NOX4: variants seen among roughly 807,000 people sequenced by gnomAD.
NOX4 encodes the protein kidney oxidase-1.
NOX4 carries 69 observed loss-of-function variants against 87.6 expected under a neutral mutation model. That is an observed-to-expected ratio of 0.79 (90% CI 0.65 to 0.96). The LOEUF is 0.96. NOX4 is among the 40% of genes least tolerant of loss of function. The pLI is 0.00. For synonymous variants in NOX4, 275 were observed against 238.2 expected, an observed-to-expected ratio of 1.15 and a Z score of -1.42; for missense variants, 680 against 681.5, an observed-to-expected ratio of 1.00 and a Z score of 0.02.
At chr11:89,425,539 T>C (rs1943344972) in intron 7 of NOX4, among the ~76,000 whole-genome samples, 1 of 151,946 alleles carries the variant, frequency 6.6e-6, no homozygotes, top group Non-Finnish European at 1.5e-5. Context: ...AGAATATTTA[T>C]TAACGTAAAA....
intron 8 of NOX4, among the ~76,000 whole-genome samples, chr11:89,409,019 T>C (rs1942331970): frequency 6.6e-6 from 1 of 151,956 alleles, no homozygotes; most frequent in Admixed American, 6.6e-5. Context: ...TAAGTTTCCT[T>C]AACTGAAAAA....
intron 15 of NOX4, among the ~76,000 whole-genome samples, chr11:89,338,061 G>GA (rs199924065): frequency 6.6e-6 from 1 of 151,856 alleles, no homozygotes. Context: ...AAATAGTCTA[G>GA]AAAAAAATAT....
intron 2 of NOX4, among the ~76,000 whole-genome samples, chr11:89,480,039 G>C (rs1432726882): frequency 6.6e-6 from 1 of 152,096 alleles, no homozygotes; most frequent in Non-Finnish European, 1.5e-5. Context: ...TAGTATATGC[G>C]GGTTTCATAT....
chr11:89,450,423 G>A (rs1944906030), intron 3 of NOX4, among the ~76,000 whole-genome samples: 2 of 152,058 alleles, frequency 1.3e-5, no homozygotes, highest in African/African-American at 2.4e-5. Flanking sequence ...TCTTAGGGAA[G>A]AAGAATCAAC....
intron 2 of NOX4, among the ~76,000 whole-genome samples, chr11:89,473,120 A>G (rs987592965): frequency 1.3e-5 from 2 of 152,196 alleles, no homozygotes; most frequent in African/African-American, 4.8e-5. Flanking sequence ...CTAAGTCTCA[A>G]CAAGGTTTCA....
intron 12 of NOX4, among the ~76,000 whole-genome samples, chr11:89,356,271 T>C (rs1207214101): frequency 6.6e-6 from 1 of 152,008 alleles, no homozygotes; most frequent in African/African-American, 2.4e-5. Flanking sequence ...TTAATTGTAA[T>C]ATCATAAATG....
chr11:89,438,855 AT>A (rs1944288491), intron 6 of NOX4, among the ~76,000 whole-genome samples: 2 of 45,848 alleles, frequency 4.4e-5, no homozygotes, highest in Non-Finnish European at 6.1e-5. Flanking sequence ...ATTATATAAT[AT>A]ATTATATATT....
At position 89,438,660 on chromosome 11, in the gene NOX4, C is replaced by G. The variant is rs865941212; in HGVS notation, c.475+2028G>C. On this transcript the variant is annotated intron_variant, in intron 6 of 17. Coordinates refer to ENST00000263317, the MANE Select transcript of NOX4 (RefSeq NM_016931.5). ...TATATAATACTCTATATAATATATA[C>G]TATATATTATATACTATATATACTA... is the stretch of plus-strand genomic sequence containing the variant. Among the ~76,000 whole-genome samples, 191 of 52,602 alleles carry G rather than the reference C, an allele frequency of 3.6e-3. 2 individuals carry two copies. Among genetic ancestry groups the G allele is most frequent in the African/African-American group, 0.02 (164 of 8,370 alleles). The allele number at this position is 52,602 out of a possible 152,430, so 34.5% of individuals were successfully genotyped here.
At chr11:89,399,453 A>G (rs1941694004) in intron 11 of NOX4, among the ~76,000 whole-genome samples, 1 of 140,136 alleles carries the variant, frequency 7.1e-6, no homozygotes, top group Admixed American at 7.3e-5. Context: ...ATATATATAT[A>G]TATATATATA....
the NOX4 span, among the ~76,000 whole-genome samples, chr11:89,551,530 T>C: frequency 5.3e-5 from 8 of 152,120 alleles, no homozygotes; most frequent in African/African-American, 1.7e-4. Context: ...CCCTTGTAGG[T>C]TGGATTCCTA....
intron 2 of NOX4, among the ~76,000 whole-genome samples, chr11:89,486,981 C>A (rs991137633): frequency 1.3e-5 from 2 of 151,880 alleles, no homozygotes; most frequent in South Asian, 4.2e-4. Flanking sequence ...TTTCTTTTTC[C>A]TTTTTTTAAT....
intron 2 of NOX4, among the ~76,000 whole-genome samples, chr11:89,466,007 G>C (rs147040317): frequency 2.6e-3 from 393 of 152,134 alleles, no homozygotes; most frequent in Non-Finnish European, 4.2e-3. Context: ...AAGAAGAGGA[G>C]GACACCAGAA....
chr11:89,551,510 T>A, the NOX4 span, among the ~76,000 whole-genome samples: 1 of 152,166 alleles, frequency 6.6e-6, no homozygotes, highest in Non-Finnish European at 1.5e-5. Flanking sequence ...CTTGAAGAGG[T>A]CCTTCACATC....
At chr11:89,438,830 T>C (rs1591254408) in intron 6 of NOX4, among the ~76,000 whole-genome samples, 1 of 45,528 alleles carries the variant, frequency 2.2e-5, no homozygotes, top group Admixed American at 4.5e-4. Flanking sequence ...ATATAATATC[T>C]TATATATTAT....
chr11:89,497,426 T>C (rs1400899402), intron 1 of NOX4, among the ~76,000 whole-genome samples: 2 of 152,124 alleles, frequency 1.3e-5, no homozygotes, highest in Non-Finnish European at 2.9e-5. Flanking sequence ...ACTTTCTGAA[T>C]ATATTAAGAA....
At chr11:89,373,729 C>A (rs1002697400) in intron 11 of NOX4, among the ~76,000 whole-genome samples, 1 of 151,960 alleles carries the variant, frequency 6.6e-6, no homozygotes, top group African/African-American at 2.4e-5. Flanking sequence ...CAATAAATTA[C>A]ACACGTTAAA....
At chr11:89,449,867 G>A (rs538509572) in intron 3 of NOX4, among the ~76,000 whole-genome samples, 27 of 152,264 alleles carry the variant, frequency 1.8e-4, no homozygotes, top group African/African-American at 6.0e-4. Flanking sequence ...GTCATCAGTG[G>A]TTGTTCTGGC....
chr11:89,395,345 G>C (rs1941403808), intron 11 of NOX4, among the ~76,000 whole-genome samples: 2 of 152,092 alleles, frequency 1.3e-5, no homozygotes, highest in African/African-American at 2.4e-5. Flanking sequence ...CTTTATGATG[G>C]GGTTGTTTGC....
chr11:89,361,594 A>G (rs1050373594), intron 12 of NOX4, among the ~76,000 whole-genome samples: 1 of 152,070 alleles, frequency 6.6e-6, no homozygotes, highest in Non-Finnish European at 1.5e-5. Context: ...CCTGTACCCC[A>G]AAAACTATTG....
Sources: gnomAD v4.1 joint callset for allele counts (sites outside exome capture counted in the v4.1 genomes callset) on GRCh38, gnomAD v4.1.1 for gene constraint, MANE v1.5 for transcripts, NCBI Gene and HGNC (gene_info 2026-07-23, HGNC 2026-07-21) for gene names.